CELF2: variants seen among roughly 807,000 people sequenced by gnomAD.
CELF2 encodes the protein CUG triplet repeat RNA-binding protein 2.
In CELF2, 8 loss-of-function variants were observed where a neutral mutation model predicts 62.6. That is an observed-to-expected ratio of 0.13 (90% confidence interval 0.07 to 0.23). The LOEUF (loss-of-function observed/expected upper bound fraction) is 0.23. Ranked by LOEUF, CELF2 falls within the 10% of genes least tolerant of loss-of-function variation. The probability of loss-of-function intolerance (pLI) is 1.00; values close to 1 mark genes in which losing one functional copy is unlikely to be tolerated. For synonymous variants in CELF2, 258 were observed against 250.0 expected (o/e 1.03, Z -0.30); for missense variants, 333 against 671.0 (o/e 0.50, Z 5.56).
At chr10:10,561,370 A>T in the CELF2 span, among the ~76,000 whole-genome samples, 1 of 152,308 alleles carries the variant, frequency 6.6e-6, no homozygotes, top group Middle Eastern at 3.4e-3. Flanking sequence ...GTTGGAAAGT[A>T]CATAGTCATG....
At position 11,011,871 on chromosome 10, in the gene CELF2, T is replaced by A. The variant is rs1384285382; in HGVS notation, c.53+6431T>A. On this transcript the variant is annotated intron_variant, in intron 1 of 12. Transcript: ENST00000416382. The surrounding 1 kb of genome is among the most constrained non-coding windows in gnomAD (Gnocchi z 4.6). ...ATCCTTGGCTAAAAATGGCTGGAGA[T>A]TTGAACCATATTATAGGGAAAAAAT... 6.6e-6 allele frequency among the ~76,000 whole-genome samples: 1 copy of A among 152,218 alleles called. No individual in the cohort carries two copies. The highest frequency in any genetic ancestry group is 6.5e-5 in the Admixed American group (1 of 15,284).
intron 1 of CELF2, among the ~76,000 whole-genome samples, chr10:10,854,012 T>C (rs964461851): frequency 2.6e-4 from 39 of 152,220 alleles, no homozygotes; most frequent in African/African-American, 9.2e-4. Context: ...AATTCTGTCA[T>C]CTAGAAATAT....
chr10:10,495,326 A>G, the CELF2 span, among the ~76,000 whole-genome samples: 2 of 152,162 alleles, frequency 1.3e-5, no homozygotes, highest in Non-Finnish European at 2.9e-5. Flanking sequence ...AAGAGTTCAT[A>G]TTATGTATGG....
chr10:10,824,505 C>A (rs919866217), intron 1 of CELF2, among the ~76,000 whole-genome samples: 8 of 152,192 alleles, frequency 5.3e-5, no homozygotes, highest in Non-Finnish European at 1.0e-4. Flanking sequence ...AGATCCTTGT[C>A]AAACCATCCT....
At chr10:10,656,027 A>T in the CELF2 span, among the ~76,000 whole-genome samples, 4 of 149,842 alleles carry the variant, frequency 2.7e-5, no homozygotes, top group Non-Finnish European at 5.9e-5. Flanking sequence ...AATTTACAAG[A>T]AAAAAAAACA....
chr10:11,225,888 C>G (rs2066359525), intron 3 of CELF2, among the ~76,000 whole-genome samples: 1 of 152,058 alleles, frequency 6.6e-6, no homozygotes, highest in South Asian at 2.1e-4. Flanking sequence ...GGTGATGTAT[C>G]GATAGCATTC....
the CELF2 span, among the ~76,000 whole-genome samples, chr10:10,611,205 A>C: frequency 7.0e-3 from 1,059 of 152,220 alleles, 6 homozygotes; most frequent in Admixed American, 0.011. Flanking sequence ...GCAACTGACT[A>C]TATGGAGTGA....
At chr10:10,790,186 G>A in the CELF2 span, among the ~76,000 whole-genome samples, 3 of 151,940 alleles carry the variant, frequency 2.0e-5, no homozygotes, top group Non-Finnish European at 2.9e-5. Context: ...CAATTTCTCT[G>A]TTAGGGTTTT....
chr10:11,284,180 G>T (rs1157223696), intron 8 of CELF2, among the ~76,000 whole-genome samples: 2 of 86,910 alleles, frequency 2.3e-5, no homozygotes, highest in Non-Finnish European at 4.5e-5. Flanking sequence ...GGGTGGATGA[G>T]GGATGAGTGC....
chr10:11,038,304 C>T (rs905761482), intron 1 of CELF2, among the ~76,000 whole-genome samples: 1 of 152,194 alleles, frequency 6.6e-6, no homozygotes, highest in East Asian at 1.9e-4. Context: ...CTTGCCTAGC[C>T]TCTGCCCTAT....
At chr10:10,482,842 G>C in the CELF2 span, among the ~76,000 whole-genome samples, 1 of 152,092 alleles carries the variant, frequency 6.6e-6, no homozygotes, top group Non-Finnish European at 1.5e-5. Flanking sequence ...AATCGCTCCA[G>C]TGCCAGGTAC....
the CELF2 span, among the ~76,000 whole-genome samples, chr10:10,577,525 A>G: frequency 3.3e-5 from 5 of 149,884 alleles, no homozygotes; most frequent in Admixed American, 1.3e-4. Flanking sequence ...CCACCCCACA[A>G]CAGTCCCCAG....
At chr10:10,667,084 C>T in the CELF2 span, among the ~76,000 whole-genome samples, 30 of 151,990 alleles carry the variant, frequency 2.0e-4, no homozygotes, top group African/African-American at 6.3e-4. Context: ...TTATGCATCC[C>T]GGGCAATCCA....
At chr10:10,527,446 CAAA>C in the CELF2 span, among the ~76,000 whole-genome samples, 2 of 126,288 alleles carry the variant, frequency 1.6e-5, no homozygotes, top group Non-Finnish European at 1.6e-5. Flanking sequence ...AACTCTGTCT[CAAA>C]AAAAAAAAAA....
chr10:10,696,428 A>G, the CELF2 span, among the ~76,000 whole-genome samples: 21 of 151,908 alleles, frequency 1.4e-4, no homozygotes, highest in South Asian at 4.2e-3. Flanking sequence ...GGGACATTTA[A>G]GTCTGCAGAG....
chr10:10,547,692 AGTGTGTGTGTGTGTGTGT>A, the CELF2 span, among the ~76,000 whole-genome samples: 1 of 138,006 alleles, frequency 7.2e-6, no homozygotes, highest in Non-Finnish European at 1.5e-5. Context: ...AGAGAGAGAG[AGTGTGTGTGTGTGTGTGT>A]GTGTGTGTGT....
intron 9 of CELF2, among the ~76,000 whole-genome samples, chr10:11,298,763 A>T (rs1302834213): frequency 6.6e-6 from 1 of 152,210 alleles, no homozygotes; most frequent in Non-Finnish European, 1.5e-5. Flanking sequence ...TTTAAGTATC[A>T]TATATGGGAA....
At chr10:11,171,175 G>A (rs1483281327) in intron 2 of CELF2, 2 of 152,202 alleles carry the variant, frequency 1.3e-5, no homozygotes, top group Non-Finnish European at 2.9e-5. Flanking sequence ...TAACTGCTGT[G>A]CAACTGCATC....
chr10:10,904,961 C>A (rs1291921882), intron 1 of CELF2, among the ~76,000 whole-genome samples: 1 of 152,152 alleles, frequency 6.6e-6, no homozygotes, highest in African/African-American at 2.4e-5. Context: ...AGGATCCACC[C>A]AGATTATCAT....
Sources: allele counts gnomAD v4.1 joint callset (sites outside exome capture counted in the v4.1 genomes callset), GRCh38; gene constraint gnomAD v4.1.1; non-coding constraint Gnocchi (gnomAD v3.1); transcripts MANE v1.5; gene names NCBI Gene and HGNC (gene_info 2026-07-23, HGNC 2026-07-21).